The following FGD5 variants were observed in gnomAD, a reference collection of about 807,000 sequenced individuals.
FGD5 encodes FYVE, RhoGEF and PH domain-containing protein 5.
A neutral mutation model predicts 133.4 loss-of-function variants in FGD5; 28 were observed. That is an observed-to-expected ratio of 0.21 (90% CI 0.16 to 0.29). FGD5 has a LOEUF of 0.29. Among genes scored for constraint, FGD5 ranks in the 10% least tolerant of loss-of-function variants. FGD5 has a pLI of 1.00. For synonymous variants in FGD5, 810 were observed against 776.5 expected (o/e 1.04, Z -0.72); for missense variants, 1,858 against 1,895.2 (o/e 0.98, Z 0.36).
intron 9 of FGD5, among the ~76,000 whole-genome samples, chr3:14,905,509 A>C (rs1410305704): frequency 6.6e-6 from 1 of 152,086 alleles, no homozygotes; most frequent in East Asian, 1.9e-4. Context: ...ATCTCCACTG[A>C]TCTGTCTTCA....
intron 9 of FGD5, among the ~76,000 whole-genome samples, chr3:14,906,510 A>C (rs146886364): frequency 3.3e-5 from 5 of 152,306 alleles, no homozygotes; most frequent in African/African-American, 1.2e-4. Context: ...GCCTTGCATG[A>C]GAGAAGGCCT....
intron 9 of FGD5, among the ~76,000 whole-genome samples, chr3:14,901,656 G>A (rs1243773872): frequency 6.6e-6 from 1 of 152,174 alleles, no homozygotes; most frequent in Admixed American, 6.5e-5. Flanking sequence ...CTAGGTCACT[G>A]GAAAAGAGTT....
At chr3:14,844,225 T>A (rs1441124641) in intron 1 of FGD5, among the ~76,000 whole-genome samples, 629 of 11,210 alleles carry the variant, frequency 0.056, 24 homozygotes, top group East Asian at 0.085. Context: ...AAAATATATA[T>A]ATATATATAT....
intron 4 of FGD5, 160 bp from the exon 5 acceptor site, chr3:14,897,349 C>T: frequency 1.2e-6 from 1 of 835,244 alleles, no homozygotes; most frequent in Non-Finnish European, 1.8e-6. Context: ...GTGGTCATCT[C>T]TGCTTTGTAG....
intron 2 of FGD5, among the ~76,000 whole-genome samples, chr3:14,872,003 C>T (rs371879308): frequency 1.3e-5 from 2 of 152,334 alleles, no homozygotes; most frequent in African/African-American, 4.8e-5. Context: ...CCCATACTTG[C>T]CGAACCCAGA....
intron 11 of FGD5, among the ~76,000 whole-genome samples, chr3:14,911,826 T>A (rs1575252485): frequency 6.8e-6 from 1 of 147,278 alleles, no homozygotes; most frequent in Admixed American, 6.9e-5. Context: ...GGGCCAGGGG[T>A]GAAGAGAAGA....
At chr3:14,930,541 G>A (rs1404941597) in intron 18 of FGD5, among the ~76,000 whole-genome samples, 1 of 149,618 alleles carries the variant, frequency 6.7e-6, no homozygotes, top group Non-Finnish European at 1.5e-5. Flanking sequence ...AGGTTGCAGT[G>A]AGCCGAGATC....
intron 2 of FGD5, among the ~76,000 whole-genome samples, chr3:14,867,504 A>G (rs142715475): frequency 4.6e-5 from 7 of 152,172 alleles, no homozygotes; most frequent in Admixed American, 4.6e-4. Context: ...CCAGAAGGCA[A>G]TCAATGGACC....
chr3:14,843,538 C>G (rs2036965354), intron 1 of FGD5, among the ~76,000 whole-genome samples: 1 of 152,096 alleles, frequency 6.6e-6, no homozygotes, highest in Admixed American at 6.6e-5. Context: ...GGTAGCCCTG[C>G]TTGGTATGCC....
chr3:14,850,179 GC>G (rs2037132600), intron 1 of FGD5, among the ~76,000 whole-genome samples: 1 of 152,202 alleles, frequency 6.6e-6, no homozygotes, highest in South Asian at 2.1e-4. Context: ...GGAGAAAGAT[GC>G]GTCTGAGTTT....
At position 14,841,945 on chromosome 3, in the gene FGD5, G is replaced by A. The variant is rs190228553; in HGVS notation, c.2525+20349G>A. Among the ~76,000 whole-genome samples the A allele has an allele frequency of 3.9e-5, 6 of 152,322 alleles. No homozygotes were observed. The East Asian group carries it at 5.8e-4, about 15-fold the overall frequency. The stretch of plus-strand genomic sequence containing the variant: ...CTCAGGCAGTTGCCGAGATCCAGAT[G>A]TTTGGCTTCCGTCTCTGCTCGGCAC... On this transcript the variant is annotated intron_variant, in intron 1 of 19. Transcript: ENST00000285046.
Position 14,820,708 on chromosome 3 carries a change from T to C in FGD5, c.1637T>C (p.Leu546Ser). The C allele has an allele frequency of 6.3e-7, 1 of 1,597,136 alleles. No homozygotes were observed. The highest frequency in any genetic ancestry group is 8.5e-7 in the Non-Finnish European group (1 of 1,173,486). ...ALPAKPRAFT[L>S]YPRSFSVEGR... The stretch of plus-strand genomic sequence containing the variant: ...CCAGCAAAGCCCAGGGCCTTTACTT[T>C]ATACCCTCGGTCGTTCTCCGTGGAA... Residue 546 changes from leucine to serine, a missense_variant, in exon 1 of 20, where the codon TTA (leucine) becomes TCA (serine). Physicochemically the swap from Leu to Ser is moderately radical, Grantham distance 145 (BLOSUM62 -2). Around this residue, in one of 3 missense-constraint regions of FGD5, gnomAD observed 1,824 missense variants for 1,848.9 expected, o/e 0.99. Coordinates refer to ENST00000285046, the MANE Select transcript of FGD5 (RefSeq NM_152536.4).
At chr3:14,863,387 C>T (rs1405138927) in intron 1 of FGD5, among the ~76,000 whole-genome samples, 1 of 150,266 alleles carries the variant, frequency 6.7e-6, no homozygotes, top group African/African-American at 2.4e-5. Flanking sequence ...TGCATGAGTT[C>T]ACATTTGAGG....
At chr3:14,833,229 C>T (rs563533319) in intron 1 of FGD5, among the ~76,000 whole-genome samples, 10 of 152,044 alleles carry the variant, frequency 6.6e-5, no homozygotes, top group Admixed American at 5.2e-4. Flanking sequence ...TGAGTGTCTC[C>T]GAGTTGAGGT....
upstream of FGD5, among the ~76,000 whole-genome samples, chr3:14,816,564 A>T (rs939032330): frequency 6.6e-6 from 1 of 152,214 alleles, no homozygotes; most frequent in East Asian, 1.9e-4. Context: ...GCTGAGTTTC[A>T]TAGCTGATAA....
chr3:14,832,557 C>T (rs1307715057), intron 1 of FGD5, among the ~76,000 whole-genome samples: 1 of 152,138 alleles, frequency 6.6e-6, no homozygotes, highest in Non-Finnish European at 1.5e-5. Context: ...TGCTGAACGT[C>T]CCTTTGGGCA....
At chr3:14,840,179 G>A (rs1393880914) in intron 1 of FGD5, among the ~76,000 whole-genome samples, 1 of 149,280 alleles carries the variant, frequency 6.7e-6, no homozygotes, top group Non-Finnish European at 1.5e-5. Flanking sequence ...ATCTCGCTCT[G>A]TTGCCCAGGA....
chr3:14,904,144 G>T (rs1266946005), intron 9 of FGD5, among the ~76,000 whole-genome samples: 2 of 152,172 alleles, frequency 1.3e-5, no homozygotes, highest in Non-Finnish European at 2.9e-5. Context: ...TCACCTGGTG[G>T]CAGGTTTCTC....
chr3:14,906,346 G>A (rs891838915), intron 9 of FGD5, among the ~76,000 whole-genome samples: 4 of 152,206 alleles, frequency 2.6e-5, no homozygotes, highest in Non-Finnish European at 5.9e-5. Context: ...ACAGGTTTCT[G>A]GCCATCCCCC....
Sources: gnomAD v4.1 joint callset for allele counts (sites outside exome capture counted in the v4.1 genomes callset) on GRCh38, gnomAD v4.1.1 for gene constraint, gnomAD v4.1.1 regional missense constraint, MANE v1.5 for transcripts, NCBI Gene and HGNC (gene_info 2026-07-23, HGNC 2026-07-21) for gene names.